The following CD81 variants were observed in gnomAD, a reference collection of about 807,000 sequenced individuals.
The protein encoded by CD81 is CD81 molecule.
CD81 carries 10 observed loss-of-function variants against 30.1 expected under a neutral mutation model. The ratio of observed to expected loss-of-function variants is 0.33; its 90% CI spans 0.21 to 0.56. CD81 has a LOEUF of 0.56. Among genes scored for constraint, CD81 ranks in the 20% least tolerant of loss-of-function variants. CD81 has a pLI of 0.89. For missense variants in CD81, 263 were observed against 308.7 expected (o/e 0.85, Z 1.11); for synonymous variants, 147 against 126.4 (o/e 1.16, Z -1.10).
intron 1 of CD81, among the ~76,000 whole-genome samples, chr11:2,381,219 C>G (rs1193406759): frequency 2.0e-5 from 3 of 152,236 alleles, no homozygotes; most frequent in Non-Finnish European, 2.9e-5. Flanking sequence ...CTGCTACAGA[C>G]TGGCCCCAGT....
At chr11:2,380,051 G>A (rs970029516) in intron 1 of CD81, among the ~76,000 whole-genome samples, 1 of 152,214 alleles carries the variant, frequency 6.6e-6, no homozygotes, top group African/African-American at 2.4e-5. Flanking sequence ...CCTCCTGGTG[G>A]TGTTGGTGGA....
intron 1 of CD81, among the ~76,000 whole-genome samples, chr11:2,384,223 C>T (rs1337227523): frequency 2.0e-5 from 3 of 152,088 alleles, no homozygotes; most frequent in Admixed American, 2.0e-4. Flanking sequence ...CCACAGGTTA[C>T]CTGGGCTCCA....
At chr11:2,396,510 G>A (rs929506997) in intron 6 of CD81, 118 bp from the exon 7 acceptor site, 76 of 904,214 alleles carry the variant, frequency 8.4e-5, no homozygotes, top group Non-Finnish European at 1.3e-4. Flanking sequence ...GGGGGTGGGG[G>A]GCTGTTCCCA....
chr11:2,397,175 C>T lies in CD81; in HGVS notation c.*309C>T, dbSNP rs535211091. On this transcript the variant is annotated 3_prime_UTR_variant, in exon 8 of 8. Coordinates refer to ENST00000263645, the MANE Select transcript of CD81 (RefSeq NM_004356.4). ...AGCCAGGCCTCTCCTGGGAGCCACT[C>T]GCCCAGAGACTCAGCTTGGCCAACT... 2.2e-5 allele frequency: 10 copies of T among 458,248 alleles called. No homozygotes were observed. Among genetic ancestry groups the T allele is most frequent in the South Asian group, 6.4e-5 (3 of 46,852 alleles). The allele number at this position is 458,248 out of a possible 1,614,324, so 28.4% of individuals were successfully genotyped here.
At chr11:2,385,781 C>T (rs1027970590) in intron 1 of CD81, 6 of 593,308 alleles carry the variant, frequency 1.0e-5, no homozygotes, top group Admixed American at 6.6e-5. Context: ...AAGCCAGCGA[C>T]GGACCCCAGG....
In CD81 at chr11:2,397,016, C is replaced by G; in HGVS notation, c.*150C>G. ...TTACTTTTGGGGTTTTGTTTTTGTT[C>G]TGAACTTTCCTGTTACCTTTTCAGG... On this transcript the variant is annotated 3_prime_UTR_variant, in exon 8 of 8. Coordinates refer to ENST00000263645, the MANE Select transcript of CD81 (RefSeq NM_004356.4). 2.6e-6 allele frequency: 2 copies of G among 755,028 alleles called. No homozygotes were observed. The highest frequency in any genetic ancestry group is 4.5e-6 in the Non-Finnish European group (2 of 445,144). 46.8% of individuals were successfully genotyped at this position (755,028 alleles called of 1,614,324 possible).
Position 2,396,642 on chromosome 11 carries a change from G to A in CD81, c.576G>A (p.Gln192=), listed in dbSNP as rs1850012597. ...ISNLFKEDCH[Q]KIDDLFSGKL... is the part of the protein sequence containing the mutation. ...CACCCCTGCAGGAGGACTGCCACCA[G>A]AAGATCGATGACCTCTTCTCCGGGA... The change falls in exon 7 of 8, where the codon CAG becomes CAA. Residue 192 remains glutamine, a synonymous_variant. Transcript: ENST00000263645. 6.2e-7 allele frequency: 1 copy of A among 1,611,464 alleles called. No individual in the cohort carries two copies. The highest frequency in any genetic ancestry group is 8.5e-7 in the Non-Finnish European group (1 of 1,179,990).
chr11:2,395,838 A>C, intron 5 of CD81, 31 bp from the exon 6 acceptor site: 1 of 1,503,544 alleles, frequency 6.7e-7, no homozygotes, highest in South Asian at 1.1e-5. Context: ...GGGCACATCC[A>C]GGGCTGACCT....
At chr11:2,386,382 T>G (rs980427507) in intron 1 of CD81, 49 of 632,222 alleles carry the variant, frequency 7.8e-5, no homozygotes, top group Non-Finnish European at 1.4e-4. Context: ...CCTCTAGCCC[T>G]GCCACATGGG....
At position 2,377,877 on chromosome 11, in the gene CD81, C is replaced by T; in HGVS notation, c.66+262C>T. On this transcript the variant is annotated intron_variant, in intron 1 of 7. Coordinates refer to ENST00000263645, the MANE Select transcript of CD81 (RefSeq NM_004356.4). This position sits in a 1 kb window ranked among gnomAD's most constrained non-coding sequence, Gnocchi z 7.7. Reference sequence around the variant, plus strand: ...CGGCCGGGCCGGGGCTTCTGGGGGCCGCCGGGCAGTTCCCGCTGTGGTGGT... The same window carrying T: ...CGGCCGGGCCGGGGCTTCTGGGGGCTGCCGGGCAGTTCCCGCTGTGGTGGT... The T allele has an allele frequency of 4.5e-6, 1 of 221,858 alleles. No individual in the cohort carries two copies. Among genetic ancestry groups the T allele is most frequent in the African/African-American group, 2.3e-5 (1 of 43,106 alleles). 13.7% of individuals were successfully genotyped at this position (221,858 alleles called of 1,614,324 possible).
rs758380963 is a variant in CD81 at position 2,395,977 on chromosome 11, G to A, written c.561+7G>A. On this transcript the variant is annotated splice_region_variant and intron_variant, in intron 6 of 7. Transcript: ENST00000263645. Reference sequence around the variant, plus strand: ...CATCAGCAACCTCTTCAAGGTGCGCGAGGCCGGTGGGGCCGCGCCTGACCC... The same window carrying A: ...CATCAGCAACCTCTTCAAGGTGCGCAAGGCCGGTGGGGCCGCGCCTGACCC... The A allele has an allele frequency of 6.9e-6, 11 of 1,594,234 alleles. No homozygotes were observed. Among genetic ancestry groups the A allele is most frequent in the African/African-American group, 6.7e-5 (5 of 74,492 alleles).
rs1184363286 is a variant in CD81 at position 2,377,475 on chromosome 11, G to A, written c.-75G>A. 1.7e-6 allele frequency: 1 copy of A among 590,888 alleles called. No homozygotes were observed. The highest frequency in any genetic ancestry group is 2.1e-6 in the Non-Finnish European group (1 of 476,278). The allele number at this position is 590,888 out of a possible 1,614,324, so 36.6% of individuals were successfully genotyped here. A position where few individuals can be genotyped will look rare whatever the true frequency, so the allele number is the denominator to read the frequency against. The stretch of plus-strand genomic sequence containing the variant: ...CGCCAGGCCCCCTTGCCGGCCACCC[G>A]CCAGGCCCCGCGCCGGCCCGCCCGC... On this transcript the variant is annotated 5_prime_UTR_variant, in exon 1 of 8. Transcript: ENST00000263645. The surrounding 1 kb of genome is among the most constrained non-coding windows in gnomAD (Gnocchi z 7.7).
chr11:2,386,917 G>C (rs747064621), intron 1 of CD81, among the ~76,000 whole-genome samples: 1 of 152,228 alleles, frequency 6.6e-6, no homozygotes, highest in Non-Finnish European at 1.5e-5. Context: ...GCCTGGGGCC[G>C]GGGCTTGTCT....
rs1315866825 is a variant in CD81, at chr11:2,396,708, G to A, written c.642G>A (p.Val214=). The A allele has an allele frequency of 6.2e-7, 1 of 1,611,744 alleles. No individual in the cohort carries two copies. The highest frequency in any genetic ancestry group is 1.3e-5 in the African/African-American group (1 of 75,068). The change falls in exon 7 of 8, where the codon GTG becomes GTA. Residue 214 remains valine, a synonymous_variant. Transcript: ENST00000263645. ...GCATTGCTGCCATCGTGGTCGCTGT[G>A]ATCATGGTGAGCGGGCGGGGGCGGA... ...LIGIAAIVVA[V]IMIFEMILSM... is the part of the protein sequence containing the mutation.
At position 2,396,869 on chromosome 11, in the gene CD81, C is replaced by A. The variant is rs1427506647; in HGVS notation, c.*3C>A. On this transcript the variant is annotated 3_prime_UTR_variant, in exon 8 of 8. Coordinates refer to ENST00000263645, the MANE Select transcript of CD81 (RefSeq NM_004356.4). ...TCCGGAACAGCTCCGTGTACTGAGG[C>A]CCCGCAGCTCTGGCCACAGGGACCT... is the stretch of plus-strand genomic sequence containing the variant. 1 of 1,612,448 alleles carries A rather than the reference C, an allele frequency of 6.2e-7. No individual in the cohort carries two copies. Among genetic ancestry groups the A allele is most frequent in the Non-Finnish European group, 8.5e-7 (1 of 1,179,898 alleles).
rs1007357224 is a variant in CD81, at chr11:2,378,197, G to T, written c.66+582G>T. 6.6e-6 allele frequency among the ~76,000 whole-genome samples: 1 copy of T among 152,032 alleles called. No homozygotes were observed. The highest frequency in any genetic ancestry group is 2.4e-5 in the African/African-American group (1 of 41,430). On this transcript the variant is annotated intron_variant, in intron 1 of 7. Coordinates refer to ENST00000263645, the MANE Select transcript of CD81 (RefSeq NM_004356.4). The surrounding 1 kb of genome is among the most constrained non-coding windows in gnomAD (Gnocchi z 4.9). Reference sequence around the variant, plus strand: ...GTCACCACCCGAGACCTTCCTGGGGGTCGCGCCTAAAAGGAGCGCAGACTC... The same window carrying T: ...GTCACCACCCGAGACCTTCCTGGGGTTCGCGCCTAAAAGGAGCGCAGACTC...
At chr11:2,396,246 G>C (rs1032877109) in intron 6 of CD81, 2 of 571,404 alleles carry the variant, frequency 3.5e-6, no homozygotes, top group African/African-American at 3.8e-5. Context: ...GTGCACTCGT[G>C]GGTGTGGACG....
Position 2,397,307 on chromosome 11 carries a change from A to G in CD81, c.*441A>G, listed in dbSNP as rs1473509549. On this transcript the variant is annotated 3_prime_UTR_variant, in exon 8 of 8. Transcript: ENST00000263645. The stretch of plus-strand genomic sequence containing the variant: ...GAGTCTGTGGGCACTCTCTGCCTTC[A>G]TGCACCTGTCCTTTCTAACACGTCG... 2 of 259,754 alleles carry G rather than the reference A, an allele frequency of 7.7e-6. No homozygotes were observed. The highest frequency in any genetic ancestry group is 1.0e-4 in the Admixed American group (2 of 19,710). 16.1% of individuals were successfully genotyped at this position (259,754 alleles called of 1,614,324 possible).
At chr11:2,376,574 T>C (rs1849595227), upstream of CD81, among the ~76,000 whole-genome samples, 1 of 152,196 alleles carries the variant, frequency 6.6e-6, no homozygotes. Context: ...CTGGCATCCC[T>C]GGGGCACGAC....
Sources: allele counts gnomAD v4.1 joint callset (sites outside exome capture counted in the v4.1 genomes callset), GRCh38; gene constraint gnomAD v4.1.1; non-coding constraint Gnocchi (gnomAD v3.1); transcripts MANE v1.5; gene names NCBI Gene and HGNC (gene_info 2026-07-23, HGNC 2026-07-21).